CUL1: variants seen among roughly 807,000 people sequenced by gnomAD.
The protein encoded by CUL1 is cullin 1.
Under a neutral mutation model 118.0 loss-of-function variants are expected in CUL1, and 24 were observed. The observed-to-expected ratio is 0.20, with a 90% CI of 0.15 to 0.29. The LOEUF is 0.29. Among genes scored for constraint, CUL1 ranks in the 10% least tolerant of loss-of-function variants. The probability of loss-of-function intolerance (pLI) is 1.00; values close to 1 mark genes in which losing one functional copy is unlikely to be tolerated. For missense variants in CUL1, 361 were observed against 933.8 expected (o/e 0.39, Z 7.99); for synonymous variants, 332 against 340.4 (o/e 0.98, Z 0.27).
intron 1 of CUL1, among the ~76,000 whole-genome samples, chr7:148,729,547 A>G (rs1279962158): frequency 6.6e-6 from 1 of 152,220 alleles, no homozygotes; most frequent in Non-Finnish European, 1.5e-5. Context: ...ACTAAAAGTC[A>G]TAGGTAACCC....
rs776289414 is a variant in CUL1, at chr7:148,760,322, T to C, written c.626-11T>C. 6.3e-7 allele frequency: 1 copy of C among 1,596,272 alleles called. No homozygotes were observed. Among genetic ancestry groups the C allele is most frequent in the Non-Finnish European group, 8.5e-7 (1 of 1,173,548 alleles). Reference sequence around the variant, plus strand: ...TAGGGTAATTGAAATATAGCTCATATTCATTTCTAGTGGAATTGGGGCTGA... The same window carrying C: ...TAGGGTAATTGAAATATAGCTCATACTCATTTCTAGTGGAATTGGGGCTGA... On this transcript the variant is annotated splice_polypyrimidine_tract_variant and intron_variant, in intron 6 of 21. Transcript: ENST00000325222.
rs148489090 is a variant in CUL1, at chr7:148,782,822, G to C, written c.1084-961G>C. ...CCTGAGCCCTGCAGATTAATGTATC[G>C]TGATGTGGAAACATGGGCGTGCCGC... On this transcript the variant is annotated intron_variant, in intron 9 of 21. Coordinates refer to ENST00000325222, the MANE Select transcript of CUL1 (RefSeq NM_003592.3). 4.2e-4 allele frequency among the ~76,000 whole-genome samples: 58 copies of C among 138,658 alleles called. No individual in the cohort carries two copies. In the East Asian group the frequency reaches 0.012, roughly 28 times the overall value. 91.0% of individuals were successfully genotyped at this position (138,658 alleles called of 152,430 possible). A position where few individuals can be genotyped will look rare whatever the true frequency, so the allele number is the denominator to read the frequency against.
intron 1 of CUL1, among the ~76,000 whole-genome samples, chr7:148,711,113 TACTC>T (rs1449032743): frequency 6.6e-6 from 1 of 152,192 alleles, no homozygotes; most frequent in Non-Finnish European, 1.5e-5. Context: ...TCAGAAGACA[TACTC>T]AAATCATTGA....
intron 9 of CUL1, among the ~76,000 whole-genome samples, chr7:148,769,472 C>T (rs1800134575): frequency 6.7e-6 from 1 of 149,154 alleles, no homozygotes; most frequent in Non-Finnish European, 1.5e-5. Context: ...TCCTGTGATT[C>T]AGAAGGGGTC....
intron 2 of CUL1, among the ~76,000 whole-genome samples, chr7:148,750,381 TGTTG>T (rs1799449076): frequency 6.6e-6 from 1 of 151,692 alleles, no homozygotes; most frequent in East Asian, 1.9e-4. Context: ...ACATGTGTCA[TGTTG>T]GTTTGCTGCA....
intron 2 of CUL1, among the ~76,000 whole-genome samples, chr7:148,735,698 C>T (rs1043237944): frequency 2.0e-5 from 3 of 152,180 alleles, no homozygotes; most frequent in African/African-American, 7.2e-5. Flanking sequence ...GCATGGCTTA[C>T]ATCAAATGAA....
At chr7:148,791,790 G>A (rs1040456721) in intron 16 of CUL1, among the ~76,000 whole-genome samples, 4 of 152,332 alleles carry the variant, frequency 2.6e-5, no homozygotes, top group South Asian at 4.1e-4. Context: ...TGTTGCTGTC[G>A]ATTATGCAAG....
At chr7:148,743,392 A>G (rs1234431097) in intron 2 of CUL1, among the ~76,000 whole-genome samples, 1 of 152,164 alleles carries the variant, frequency 6.6e-6, no homozygotes, top group Non-Finnish European at 1.5e-5. Flanking sequence ...ATAGACATCT[A>G]TGGAGGCTAC....
chr7:148,787,152 C>T lies in CUL1; in HGVS notation c.1479+32C>T. On this transcript the variant is annotated intron_variant, in intron 13 of 21. Transcript: ENST00000325222. The surrounding 1 kb of genome is among the most constrained non-coding windows in gnomAD (Gnocchi z 5.5). ...TTCATCTTTTCCTGAAAAATCCCAG[C>T]TTCTGAGTCATTATTAAAACAGCTC... 6.2e-7 allele frequency: 1 copy of T among 1,609,664 alleles called. No homozygotes were observed. The highest frequency in any genetic ancestry group is 8.5e-7 in the Non-Finnish European group (1 of 1,177,608).
chr7:148,757,953 CAT>C (rs369274576), intron 4 of CUL1, among the ~76,000 whole-genome samples: 66 of 152,346 alleles, frequency 4.3e-4, no homozygotes, highest in African/African-American at 1.6e-3. Flanking sequence ...CCTCCCGCAA[CAT>C]GTGGGAATTA....
chr7:148,794,526 A>G (rs887127980), intron 17 of CUL1, among the ~76,000 whole-genome samples: 6 of 152,172 alleles, frequency 3.9e-5, no homozygotes, highest in Non-Finnish European at 7.4e-5. Context: ...ATTTTCCCCC[A>G]AGATTATATT....
At chr7:148,698,410 G>A (rs1342001941), upstream of CUL1, 1 of 152,246 alleles carries the variant, frequency 6.6e-6, no homozygotes, top group African/African-American at 2.4e-5. Flanking sequence ...CCGCTCGCGA[G>A]GTCCGAAGTG....
chr7:148,790,523 A>G, intron 16 of CUL1, 82 bp downstream of exon 16: 4 of 1,222,420 alleles, frequency 3.3e-6, no homozygotes. Context: ...CAGCTGACTC[A>G]GCAGCAGAAT....
At chr7:148,791,601 C>T (rs532776185) in intron 16 of CUL1, among the ~76,000 whole-genome samples, 3 of 152,344 alleles carry the variant, frequency 2.0e-5, no homozygotes, top group African/African-American at 4.8e-5. Flanking sequence ...CAGCCCGGAG[C>T]GGGCCCAATA....
intron 9 of CUL1, among the ~76,000 whole-genome samples, chr7:148,780,347 G>C (rs528057639): frequency 6.6e-6 from 1 of 152,140 alleles, no homozygotes; most frequent in Non-Finnish European, 1.5e-5. Flanking sequence ...GAGTACATGG[G>C]GTAAGTTTTA....
chr7:148,703,686 T>C (rs1029210002), intron 1 of CUL1, among the ~76,000 whole-genome samples: 1 of 151,840 alleles, frequency 6.6e-6, no homozygotes, highest in African/African-American at 2.4e-5. Flanking sequence ...TGCCTGCCAC[T>C]ACACCCAGCT....
At chr7:148,752,669 GAC>G (rs1799527602) in intron 2 of CUL1, among the ~76,000 whole-genome samples, 1 of 151,862 alleles carries the variant, frequency 6.6e-6, no homozygotes, top group Non-Finnish European at 1.5e-5. Context: ...TATTTTTTGA[GAC>G]AGAGTCTTGC....
At chr7:148,773,485 A>C (rs1428002285) in intron 9 of CUL1, among the ~76,000 whole-genome samples, 1 of 152,036 alleles carries the variant, frequency 6.6e-6, no homozygotes, top group African/African-American at 2.4e-5. Flanking sequence ...GCTTCCTGTC[A>C]CTGCACCATG....
chr7:148,785,893 A>G (rs886298065), intron 11 of CUL1, among the ~76,000 whole-genome samples: 5 of 152,160 alleles, frequency 3.3e-5, no homozygotes, highest in Admixed American at 1.3e-4. Context: ...TTTCTGAACC[A>G]ACTTTTCTAA....
Sources: gnomAD v4.1 joint callset for allele counts (sites outside exome capture counted in the v4.1 genomes callset) on GRCh38, gnomAD v4.1.1 for gene constraint, Gnocchi (gnomAD v3.1) non-coding constraint, MANE v1.5 for transcripts, NCBI Gene and HGNC (gene_info 2026-07-23, HGNC 2026-07-21) for gene names.